The following GRXCR2 variants were observed in gnomAD, a reference collection of about 807,000 sequenced individuals.
The protein encoded by GRXCR2 is glutaredoxin domain-containing cysteine-rich protein 2.
In GRXCR2, 23 loss-of-function variants were observed where a neutral mutation model predicts 24.8. That is an observed-to-expected ratio of 0.93 (90% confidence interval 0.67 to 1.32). The LOEUF is 1.32. GRXCR2 is among the 40% of genes most tolerant of loss of function. GRXCR2 has a pLI of 0.00. For synonymous variants in GRXCR2, 130 were observed against 116.1 expected, an observed-to-expected ratio of 1.12 and a Z score of -0.77; for missense variants, 315 against 303.4, an observed-to-expected ratio of 1.04 and a Z score of -0.28.
Position 145,927,571 on chromosome 5 carries a change from G to C in GRXCR2, c.-70+8130C>G, listed in dbSNP as rs190731415. Among the ~76,000 whole-genome samples, 740 of 152,314 alleles carry C rather than the reference G, an allele frequency of 4.9e-3. 4 individuals carry two copies. Among genetic ancestry groups the C allele is most frequent in the Admixed American group, 8.6e-3 (132 of 15,302 alleles). Reference sequence around the variant, plus strand: ...TGTTGAACCAGCCTTGCATCCCAGGGATGAAGCCCGCTTGATCATGGTAGA... The same window carrying C: ...TGTTGAACCAGCCTTGCATCCCAGGCATGAAGCCCGCTTGATCATGGTAGA... On this transcript the variant is annotated intron_variant, in intron 2 of 3. Coordinates refer to the GRXCR2 transcript ENST00000639411.
intron 2 of GRXCR2, among the ~76,000 whole-genome samples, chr5:145,895,422 G>A (rs1290723077): frequency 2.0e-5 from 3 of 152,070 alleles, no homozygotes; most frequent in African/African-American, 7.2e-5. Context: ...AAGCTGATAG[G>A]CAACTTTAGC....
chr5:145,891,892 C>T (rs886821888), intron 2 of GRXCR2, among the ~76,000 whole-genome samples: 2 of 152,152 alleles, frequency 1.3e-5, no homozygotes, highest in African/African-American at 4.8e-5. Flanking sequence ...CCAGTAGGGG[C>T]AGATTGACAC....
downstream of GRXCR2, among the ~76,000 whole-genome samples, chr5:145,858,005 G>A (rs1036168024): frequency 6.6e-6 from 1 of 152,100 alleles, no homozygotes; most frequent in African/African-American, 2.4e-5. Flanking sequence ...ATTTGTGACG[G>A]AATATTCCTG....
chr5:145,888,912 G>A (rs1200626954), intron 2 of GRXCR2, among the ~76,000 whole-genome samples: 4 of 152,176 alleles, frequency 2.6e-5, no homozygotes, highest in Admixed American at 1.3e-4. Context: ...AGTGGCTCAC[G>A]CCTGTAATCC....
At chr5:145,876,860 G>A (rs1381303282), upstream of GRXCR2, among the ~76,000 whole-genome samples, 1 of 152,100 alleles carries the variant, frequency 6.6e-6, no homozygotes, top group African/African-American at 2.4e-5. Context: ...AGTTTTGGCA[G>A]TATTATCAAA....
At chr5:145,899,477 C>T (rs1249771068) in intron 2 of GRXCR2, among the ~76,000 whole-genome samples, 1 of 152,018 alleles carries the variant, frequency 6.6e-6, no homozygotes, top group Non-Finnish European at 1.5e-5. Flanking sequence ...AAGAACAAAG[C>T]CAGAGGCATC....
chr5:145,875,189 A>T (rs1479548708), upstream of GRXCR2, among the ~76,000 whole-genome samples: 2 of 152,236 alleles, frequency 1.3e-5, no homozygotes, highest in African/African-American at 2.4e-5. Flanking sequence ...TAAATGAATG[A>T]CTTCAAGTGA....
chr5:145,927,856 T>A (rs1413029939), intron 2 of GRXCR2, among the ~76,000 whole-genome samples: 2 of 152,054 alleles, frequency 1.3e-5, no homozygotes, highest in Admixed American at 1.3e-4. Flanking sequence ...GCACTTCATG[T>A]CTAAAACACC....
chr5:145,923,577 G>C (rs1362245619), intron 2 of GRXCR2, among the ~76,000 whole-genome samples: 1 of 152,130 alleles, frequency 6.6e-6, no homozygotes, highest in Non-Finnish European at 1.5e-5. Flanking sequence ...GCAATGATTT[G>C]CTGAAATTGA....
In GRXCR2 at chr5:145,868,522, G is replaced by A. The variant is rs17103907; in HGVS notation, c.337-1794C>T. ...CTTCCATTTCCTATTGTTTTATGCA[G>A]GCTGGATTCTTATTTCACACTCTGG... is the stretch of plus-strand genomic sequence containing the variant. On this transcript the variant is annotated intron_variant, in intron 1 of 2. Transcript: ENST00000377976. 1.9e-3 allele frequency among the ~76,000 whole-genome samples: 284 copies of A among 152,208 alleles called. 6 individuals carry two copies. The East Asian group carries it at 0.049, about 26-fold the overall frequency.
intron 2 of GRXCR2, among the ~76,000 whole-genome samples, chr5:145,895,734 C>T (rs902438954): frequency 1.3e-5 from 2 of 152,170 alleles, no homozygotes; most frequent in Non-Finnish European, 2.9e-5. Context: ...TCAATGCCAT[C>T]CCCATCAAGC....
Position 145,931,370 on chromosome 5 carries a change from T to C in GRXCR2, c.-70+4331A>G, listed in dbSNP as rs187277677. On this transcript the variant is annotated intron_variant, in intron 2 of 3. Coordinates refer to the GRXCR2 transcript ENST00000639411. The stretch of plus-strand genomic sequence containing the variant: ...TTGACTGCTGGTTCCAACTGTTTCC[T>C]ATTAAATTTAAGAACAATAAGTCAC... Among the ~76,000 whole-genome samples, 861 of 152,266 alleles carry C rather than the reference T, an allele frequency of 5.7e-3. 5 individuals are homozygous for C. Among genetic ancestry groups the C allele is most frequent in the Middle Eastern group, 0.014 (4 of 294 alleles).
Position 145,859,729 on chromosome 5 carries a change from C to A in GRXCR2, c.*4G>T, listed in dbSNP as rs755755532. Reference sequence around the variant, plus strand: ...GATAACAGTGGACATGCAAAAGCCACGGGCTATTGATTGCAAATCTGGCAA... The same window carrying A: ...GATAACAGTGGACATGCAAAAGCCAAGGGCTATTGATTGCAAATCTGGCAA... On this transcript the variant is annotated 3_prime_UTR_variant, in exon 3 of 3. Coordinates refer to ENST00000377976, the MANE Select transcript of GRXCR2 (RefSeq NM_001080516.2). 1 of 1,613,716 alleles carries A rather than the reference C, an allele frequency of 6.2e-7. No homozygotes were observed. Among genetic ancestry groups the A allele is most frequent in the Non-Finnish European group, 8.5e-7 (1 of 1,179,656 alleles).
At chr5:145,926,990 A>G (rs948911873) in intron 2 of GRXCR2, among the ~76,000 whole-genome samples, 8 of 152,128 alleles carry the variant, frequency 5.3e-5, no homozygotes, top group African/African-American at 1.9e-4. Context: ...CTTTGAAGCA[A>G]TTGTGAGTGG....
upstream of GRXCR2, among the ~76,000 whole-genome samples, chr5:145,877,635 CA>C (rs1481927531): frequency 1.3e-5 from 2 of 152,192 alleles, no homozygotes; most frequent in African/African-American, 4.8e-5. Flanking sequence ...CTGCAGCTCC[CA>C]AAGTGATCAA....
At position 145,917,914 on chromosome 5, in the gene GRXCR2, G is replaced by A. The variant is rs575762610; in HGVS notation, c.-70+17787C>T. 4.6e-5 allele frequency among the ~76,000 whole-genome samples: 7 copies of A among 152,256 alleles called. No homozygotes were observed. In the East Asian group the frequency reaches 1.4e-3, roughly 29 times the overall value. ...CCTGCCTCAGCCTCCCAAGTAGCTG[G>A]GACTACAGGTGCCCACCACCATGCA... On this transcript the variant is annotated intron_variant, in intron 2 of 3. Coordinates refer to the GRXCR2 transcript ENST00000639411.
chr5:145,913,330 C>T (rs536351024), intron 2 of GRXCR2, among the ~76,000 whole-genome samples: 1 of 152,204 alleles, frequency 6.6e-6, no homozygotes, highest in South Asian at 2.1e-4. Flanking sequence ...CCTGCATCAT[C>T]TAGGATCCAC....
rs566262958 is a variant in GRXCR2 at position 145,894,646 on chromosome 5, T to C, written c.-69-27918A>G. 1.0e-3 allele frequency among the ~76,000 whole-genome samples: 157 copies of C among 152,182 alleles called. 2 individuals carry two copies. In the South Asian group the frequency reaches 0.031, roughly 30 times the overall value. On this transcript the variant is annotated intron_variant, in intron 2 of 3. Transcript: ENST00000639411. The stretch of plus-strand genomic sequence containing the variant: ...TGAAATTGAGGCAATAGTTAATAGC[T>C]TACCAACCAAAAAAAGTCCAGGACC...
At chr5:145,916,260 C>G (rs765945755) in intron 2 of GRXCR2, among the ~76,000 whole-genome samples, 1 of 152,078 alleles carries the variant, frequency 6.6e-6, no homozygotes, top group Non-Finnish European at 1.5e-5. Context: ...TAAGAATCCT[C>G]AAGACAAGGC....
Sources: allele counts gnomAD v4.1 joint callset (sites outside exome capture counted in the v4.1 genomes callset), GRCh38; gene constraint gnomAD v4.1.1; transcripts MANE v1.5; gene names NCBI Gene and HGNC (gene_info 2026-07-23, HGNC 2026-07-21).